MITF: variants seen among roughly 807,000 people sequenced by gnomAD.
The protein encoded by MITF is microphthalmia-associated transcription factor.
Under a neutral mutation model 60.5 loss-of-function variants are expected in MITF, and 17 were observed. The observed-to-expected ratio is 0.28, with a 90% CI of 0.19 to 0.42. MITF has a LOEUF of 0.42. Ranked by LOEUF, MITF falls within the 10% of genes least tolerant of loss-of-function variation. MITF has a pLI of 1.00. For missense variants in MITF, 622 were observed against 683.5 expected (o/e 0.91, Z 1.00); for synonymous variants, 260 against 248.5 (o/e 1.05, Z -0.43).
At chr3:69,827,674 A>G (rs1428171430) in intron 1 of MITF, among the ~76,000 whole-genome samples, 2 of 152,110 alleles carry the variant, frequency 1.3e-5, no homozygotes, top group Non-Finnish European at 2.9e-5. Context: ...CATGTTTTAA[A>G]CACTTCCATT....
At chr3:69,835,129 C>T (rs1195371676) in intron 1 of MITF, among the ~76,000 whole-genome samples, 1 of 149,490 alleles carries the variant, frequency 6.7e-6, no homozygotes. Flanking sequence ...GCCATCATCC[C>T]ATTTCAATCT....
At chr3:69,963,952 AT>A (rs1046992186) in intron 9 of MITF, among the ~76,000 whole-genome samples, 41 of 126,382 alleles carry the variant, frequency 3.2e-4, no homozygotes, top group Non-Finnish European at 6.0e-4. Context: ...TTTACTGAAT[AT>A]GTTTCTTTTT....
At chr3:69,860,378 G>T (rs2063990821) in intron 1 of MITF, among the ~76,000 whole-genome samples, 1 of 152,022 alleles carries the variant, frequency 6.6e-6, no homozygotes, top group Non-Finnish European at 1.5e-5. Flanking sequence ...AGGCCGAGGC[G>T]GGCGGATCAC....
chr3:69,785,949 G>A (rs2062641675), intron 1 of MITF, among the ~76,000 whole-genome samples: 1 of 152,174 alleles, frequency 6.6e-6, no homozygotes, highest in Non-Finnish European at 1.5e-5. Flanking sequence ...GAGTTCAAAG[G>A]TCACCTGGGT....
intron 2 of MITF, among the ~76,000 whole-genome samples, chr3:69,892,915 C>A (rs928228755): frequency 6.6e-6 from 1 of 152,150 alleles, no homozygotes; most frequent in African/African-American, 2.4e-5. Flanking sequence ...GGTTTTCTGC[C>A]TGAAGGCAGT....
At chr3:69,865,579 T>C (rs1216680221) in intron 1 of MITF, among the ~76,000 whole-genome samples, 1 of 152,246 alleles carries the variant, frequency 6.6e-6, no homozygotes, top group African/African-American at 2.4e-5. Flanking sequence ...ACACAGTTTA[T>C]GGCCTAACGA....
rs531892764 is a variant in MITF, at chr3:69,861,019, C to T, written c.105-18115C>T. On this transcript the variant is annotated intron_variant, in intron 1 of 9. Coordinates refer to ENST00000352241, the MANE Select transcript of MITF (RefSeq NM_001354604.2). ...GTAGTCATTAAAAATTTTCTTCAGT[C>T]ATGCTGTGATGGTTTCAAATTAGAG... 6.6e-5 allele frequency among the ~76,000 whole-genome samples: 10 copies of T among 152,334 alleles called. No individual in the cohort carries two copies. The South Asian group carries it at 2.1e-3, about 32-fold the overall frequency.
chr3:69,918,371 A>C (rs539115405), intron 2 of MITF, among the ~76,000 whole-genome samples: 1 of 152,208 alleles, frequency 6.6e-6, no homozygotes, highest in Non-Finnish European at 1.5e-5. Context: ...TAATAAGGAA[A>C]GTAATAAAAT....
intron 1 of MITF, among the ~76,000 whole-genome samples, chr3:69,840,755 CTTT>C (rs200258297): frequency 5.8e-5 from 8 of 138,522 alleles, no homozygotes; most frequent in Admixed American, 1.4e-4. Context: ...GTTTTTTTCT[CTTT>C]TTTTTTTTTT....
chr3:69,965,523 G>A lies in MITF; in HGVS notation c.*275G>A, dbSNP rs1173279868. ...CCACAGACTTTAGCTTTCTGAGCAA[G>A]AGGATTTTGCGTCAGAGAAATGTCT... On this transcript the variant is annotated 3_prime_UTR_variant, in exon 10 of 10. Transcript: ENST00000352241. The A allele has an allele frequency of 3.2e-6, 1 of 312,478 alleles. No individual in the cohort carries two copies. Among genetic ancestry groups the A allele is most frequent in the African/African-American group, 2.1e-5 (1 of 47,604 alleles). The allele number at this position is 312,478 out of a possible 1,614,324, so 19.4% of individuals were successfully genotyped here. A position where few individuals can be genotyped will look rare whatever the true frequency, so the allele number is the denominator to read the frequency against.
At chr3:69,759,479 G>A (rs1050347676) in intron 1 of MITF, among the ~76,000 whole-genome samples, 9 of 152,344 alleles carry the variant, frequency 5.9e-5, no homozygotes, top group African/African-American at 2.2e-4. Flanking sequence ...TAACGTGCAT[G>A]TTGGGGGACT....
chr3:69,785,170 C>A (rs2062627663), intron 1 of MITF, among the ~76,000 whole-genome samples: 1 of 152,010 alleles, frequency 6.6e-6, no homozygotes. Flanking sequence ...TTCAGGTTCT[C>A]CTGCGGGCAC....
At position 69,931,256 on chromosome 3, in the gene MITF, T is replaced by C. The variant is rs2065716566; in HGVS notation, c.355-6566T>C. 4.6e-5 allele frequency among the ~76,000 whole-genome samples: 7 copies of C among 152,308 alleles called. 2 individuals are homozygous for C. In the South Asian group the frequency reaches 1.5e-3, roughly 32 times the overall value. On this transcript the variant is annotated intron_variant, in intron 2 of 9. Transcript: ENST00000352241. The stretch of plus-strand genomic sequence containing the variant: ...TAATGTAACATATCCACTCATAATG[T>C]CTTATAAGACCCTCATTTAAGAGAA...
intron 1 of MITF, among the ~76,000 whole-genome samples, chr3:69,824,574 C>T (rs1408074270): frequency 1.3e-5 from 2 of 152,162 alleles, no homozygotes; most frequent in Non-Finnish European, 2.9e-5. Flanking sequence ...ATCTGGCGTG[C>T]ATTCTCACGT....
At position 69,939,082 on chromosome 3, in the gene MITF, G is replaced by T; in HGVS notation, c.583-16G>T. On this transcript the variant is annotated splice_polypyrimidine_tract_variant and intron_variant, in intron 3 of 9. Coordinates refer to ENST00000352241, the MANE Select transcript of MITF (RefSeq NM_001354604.2). ...CAAATCCAAGTTATAGACTGTTTTT[G>T]CTTGTGTTTTTGCAGGGATTTTATA... The T allele has an allele frequency of 1.2e-6, 2 of 1,613,382 alleles. No individual in the cohort carries two copies. Among genetic ancestry groups the T allele is most frequent in the Non-Finnish European group, 1.7e-6 (2 of 1,179,710 alleles).
intron 2 of MITF, among the ~76,000 whole-genome samples, chr3:69,899,881 C>T (rs1211428467): frequency 1.3e-5 from 2 of 152,090 alleles, no homozygotes; most frequent in East Asian, 1.9e-4. Flanking sequence ...CTTGAGTTAC[C>T]TCTGAGTGAT....
chr3:69,828,002 T>G (rs1220014478), intron 1 of MITF, among the ~76,000 whole-genome samples: 1 of 152,242 alleles, frequency 6.6e-6, no homozygotes, highest in Non-Finnish European at 1.5e-5. Flanking sequence ...AGTTGACTTC[T>G]GCGTCTATAC....
intron 2 of MITF, among the ~76,000 whole-genome samples, chr3:69,923,241 G>A (rs1166492047): frequency 6.6e-6 from 1 of 152,172 alleles, no homozygotes; most frequent in Non-Finnish European, 1.5e-5. Flanking sequence ...TGAAAATGGG[G>A]ATAATAACAT....
intron 2 of MITF, among the ~76,000 whole-genome samples, chr3:69,903,732 A>T (rs916117300): frequency 6.6e-6 from 1 of 152,126 alleles, no homozygotes; most frequent in Non-Finnish European, 1.5e-5. Flanking sequence ...GCTAAAATTC[A>T]CAAACCCAAC....
Sources: gnomAD v4.1 joint callset for allele counts (sites outside exome capture counted in the v4.1 genomes callset) on GRCh38, gnomAD v4.1.1 for gene constraint, MANE v1.5 for transcripts, NCBI Gene and HGNC (gene_info 2026-07-23, HGNC 2026-07-21) for gene names.